Variants in EHBP1 observed in about 807,000 individuals in gnomAD.
EHBP1 encodes EH domain binding protein 1.
EHBP1 carries 55 observed loss-of-function variants against 144.0 expected under a neutral mutation model. The observed-to-expected ratio is 0.38, with a 90% CI of 0.31 to 0.48. The LOEUF (loss-of-function observed/expected upper bound fraction) is 0.48. EHBP1 is among the 20% of genes least tolerant of loss of function. EHBP1 has a pLI of 0.98. For synonymous variants in EHBP1, 469 were observed against 472.7 expected, an observed-to-expected ratio of 0.99 and a Z score of 0.10; for missense variants, 1,200 against 1,364.2, an observed-to-expected ratio of 0.88 and a Z score of 1.90.
At chr2:62,674,524 T>A (rs2033215769) in intron 1 of EHBP1, among the ~76,000 whole-genome samples, 1 of 152,230 alleles carries the variant, frequency 6.6e-6, no homozygotes, top group Non-Finnish European at 1.5e-5. Flanking sequence ...TCACCCTCTA[T>A]GTTGTTTGAA....
chr2:62,991,768 G>A (rs530481170), intron 16 of EHBP1, among the ~76,000 whole-genome samples: 21 of 152,260 alleles, frequency 1.4e-4, no homozygotes, highest in Admixed American at 2.6e-4. Flanking sequence ...CCCACCTGCG[G>A]ACTATGGGGA....
intron 20 of EHBP1, among the ~76,000 whole-genome samples, 153 bp from the exon 21 acceptor site, chr2:63,038,590 A>G (rs962621440): frequency 1.3e-5 from 2 of 152,178 alleles, no homozygotes; most frequent in Admixed American, 6.5e-5. Context: ...CGACTGAGGA[A>G]GGTTTTAGGT....
chr2:62,793,495 A>G (rs1297012576), intron 5 of EHBP1, among the ~76,000 whole-genome samples: 1 of 152,090 alleles, frequency 6.6e-6, no homozygotes, highest in African/African-American at 2.4e-5. Flanking sequence ...GACTAGGTTC[A>G]GCGTTGAGTT....
intron 2 of EHBP1, among the ~76,000 whole-genome samples, chr2:62,737,536 G>T (rs930028509): frequency 2.6e-5 from 4 of 152,122 alleles, no homozygotes; most frequent in Non-Finnish European, 5.9e-5. Flanking sequence ...TAAATTTGGG[G>T]GCAGTGGTTT....
At chr2:62,923,907 C>T (rs1011565675) in intron 10 of EHBP1, among the ~76,000 whole-genome samples, 10 of 152,184 alleles carry the variant, frequency 6.6e-5, no homozygotes, top group African/African-American at 9.7e-5. Flanking sequence ...AGCAACTCTG[C>T]GATCCACCTC....
intron 19 of EHBP1, among the ~76,000 whole-genome samples, chr2:63,006,245 A>AT (rs537500650): frequency 1.1e-4 from 16 of 150,298 alleles, no homozygotes; most frequent in East Asian, 5.8e-4. Flanking sequence ...TGGTAAGTTG[A>AT]TTTTTTTTTT....
chr2:62,961,257 C>A (rs58171425), intron 14 of EHBP1, among the ~76,000 whole-genome samples: 5,297 of 152,262 alleles, frequency 0.035, 333 homozygotes, highest in African/African-American at 0.12. Flanking sequence ...ACTACCATTG[C>A]ATATTTTAGT....
intron 2 of EHBP1, among the ~76,000 whole-genome samples, chr2:62,741,002 G>A (rs897044977): frequency 5.1e-4 from 78 of 152,150 alleles, no homozygotes; most frequent in African/African-American, 1.8e-3. Flanking sequence ...ATCCAAGTTG[G>A]TGAACCTAAC....
Position 62,771,398 on chromosome 2 carries a change from C to G in EHBP1, c.312+6C>G, listed in dbSNP as rs745656110. The G allele has an allele frequency of 6.3e-7, 1 of 1,583,656 alleles. No homozygotes were observed. Among genetic ancestry groups the G allele is most frequent in the East Asian group, 2.3e-5 (1 of 43,226 alleles). On this transcript the variant is annotated splice_donor_region_variant and intron_variant, in intron 5 of 22. Transcript: ENST00000431489. ...GGACATTTGTCATAGAAAATGTAAG[C>G]TAATGGCAAATTCCTTCACCTTTCA...
intron 19 of EHBP1, among the ~76,000 whole-genome samples, chr2:63,000,015 G>C (rs1183824411): frequency 6.6e-6 from 1 of 152,140 alleles, no homozygotes; most frequent in Admixed American, 6.5e-5. Context: ...TTTTAGACCT[G>C]AGTCCTAGGC....
Position 63,037,519 on chromosome 2 carries a change from T to C in EHBP1, c.3104-16T>C, listed in dbSNP as rs776938733. The C allele has an allele frequency of 1.1e-5, 17 of 1,567,510 alleles. No homozygotes were observed. The highest frequency in any genetic ancestry group is 1.4e-5 in the Non-Finnish European group (16 of 1,145,226). On this transcript the variant is annotated splice_polypyrimidine_tract_variant and intron_variant, in intron 19 of 22. Coordinates refer to ENST00000431489, the MANE Select transcript of EHBP1 (RefSeq NM_001142616.3). ...TTAACATCGTATAGTAAAAGGTAAC[T>C]CTTCCCGAATTATAGGAAGGAACAC...
chr2:63,009,381 T>C (rs2153233320), intron 19 of EHBP1, among the ~76,000 whole-genome samples: 1 of 151,696 alleles, frequency 6.6e-6, no homozygotes, highest in South Asian at 2.1e-4. Flanking sequence ...TAGCTGAACA[T>C]TTCTAGAAAC....
intron 10 of EHBP1, among the ~76,000 whole-genome samples, chr2:62,883,217 G>A (rs2051623121): frequency 6.6e-6 from 1 of 152,168 alleles, no homozygotes; most frequent in Admixed American, 6.5e-5. Flanking sequence ...TCTAGAGAGA[G>A]GTATTTCTGG....
chr2:62,855,800 TGA>T (rs1035806296), intron 7 of EHBP1, among the ~76,000 whole-genome samples: 1 of 152,054 alleles, frequency 6.6e-6, no homozygotes, highest in African/African-American at 2.4e-5. Flanking sequence ...TGGAAGACAC[TGA>T]GACAAACAGT....
At chr2:62,829,731 ATTAT>A (rs1010427301) in intron 6 of EHBP1, among the ~76,000 whole-genome samples, 17 of 146,982 alleles carry the variant, frequency 1.2e-4, no homozygotes, top group East Asian at 5.8e-4. Context: ...AATATTTATA[ATTAT>A]TTATATATTT....
intron 10 of EHBP1, among the ~76,000 whole-genome samples, chr2:62,901,976 A>G (rs966528356): frequency 1.3e-5 from 2 of 152,118 alleles, no homozygotes; most frequent in Non-Finnish European, 1.5e-5. Context: ...AAAAAAAAAA[A>G]AGAAAATTCA....
chr2:62,700,993 C>T (rs764988464), upstream of EHBP1, among the ~76,000 whole-genome samples: 1 of 152,198 alleles, frequency 6.6e-6, no homozygotes, highest in Non-Finnish European at 1.5e-5. Flanking sequence ...ATCATTTCAG[C>T]TGCCCTTCTC....
chr2:63,045,429 C>G lies in EHBP1; in HGVS notation c.3412C>G (p.His1138Asp), dbSNP rs1361985652. 6.2e-7 allele frequency: 1 copy of G among 1,614,016 alleles called. No homozygotes were observed. The highest frequency in any genetic ancestry group is 8.5e-7 in the Non-Finnish European group (1 of 1,179,988). The change falls in exon 23 of 23, where the codon CAT (histidine) becomes GAT (aspartate). Residue 1138 changes from histidine (H) to aspartate (D), a missense_variant. His to Asp is a moderately conservative substitution (Grantham distance 81, BLOSUM62 -1). Coordinates refer to ENST00000431489, the MANE Select transcript of EHBP1 (RefSeq NM_001142616.3). This position sits in a 1 kb window ranked among gnomAD's most constrained non-coding sequence, Gnocchi z 5.7. ...ATCCAGGGCCGAAGAAGAAGATGAG[C>G]ATTTGGAGCGAACTCTGGAGCAAAA... ...QEKQAEEEDE[H>D]LERTLEQNKG...
At chr2:62,807,238 A>T (rs2044591742) in intron 5 of EHBP1, among the ~76,000 whole-genome samples, 3 of 152,180 alleles carry the variant, frequency 2.0e-5, no homozygotes, top group African/African-American at 7.2e-5. Context: ...ACTGATATCT[A>T]TTGGATCAGT....
Sources: allele counts gnomAD v4.1 joint callset (sites outside exome capture counted in the v4.1 genomes callset), GRCh38; gene constraint gnomAD v4.1.1; non-coding constraint Gnocchi (gnomAD v3.1); transcripts MANE v1.5; gene names NCBI Gene and HGNC (gene_info 2026-07-23, HGNC 2026-07-21).